CLUAP1: variants seen among roughly 807,000 people sequenced by gnomAD.
The protein encoded by CLUAP1 is intraflagellar transport 38.
Under a neutral mutation model 55.0 loss-of-function variants are expected in CLUAP1, and 50 were observed. The ratio of observed to expected loss-of-function variants is 0.91; its 90% CI spans 0.72 to 1.15. The LOEUF (loss-of-function observed/expected upper bound fraction) is 1.15. Among genes scored for constraint, CLUAP1 ranks in the 50% most tolerant of loss-of-function variants. CLUAP1 has a pLI of 0.00. For missense variants in CLUAP1, 530 were observed against 507.6 expected (o/e 1.04, Z -0.42); for synonymous variants, 195 against 175.4 (o/e 1.11, Z -0.88).
At chr16:3,497,151 A>G (rs2037323071), upstream of CLUAP1, among the ~76,000 whole-genome samples, 8 of 151,872 alleles carry the variant, frequency 5.3e-5, 1 homozygote, top group Admixed American at 5.3e-4. Context: ...GATTACAGGC[A>G]TGACCCACCG....
intron 1 of CLUAP1, among the ~76,000 whole-genome samples, chr16:3,502,356 A>G (rs577735150): frequency 1.3e-5 from 2 of 151,612 alleles, no homozygotes; most frequent in East Asian, 3.9e-4. Flanking sequence ...AGGCAGGAGA[A>G]TTGCTTGATT....
At chr16:3,528,050 A>G (rs970170077) in intron 9 of CLUAP1, among the ~76,000 whole-genome samples, 1 of 152,052 alleles carries the variant, frequency 6.6e-6, no homozygotes, top group Non-Finnish European at 1.5e-5. Flanking sequence ...CTTTATTTCT[A>G]CAGTCTCTCA....
intron 9 of CLUAP1, among the ~76,000 whole-genome samples, chr16:3,528,329 CTT>C (rs542168125): frequency 2.0e-3 from 298 of 152,304 alleles, no homozygotes; most frequent in African/African-American, 6.8e-3. Flanking sequence ...CTCTCTCTCT[CTT>C]TCTCTTTCTT....
upstream of CLUAP1, chr16:3,496,522 C>G (rs1164604391): frequency 1.7e-6 from 1 of 574,706 alleles, no homozygotes; most frequent in African/African-American, 1.9e-5. Flanking sequence ...CTGCCCGTGA[C>G]CAGCCGGCCC....
chr16:3,532,026 A>T (rs1022770679), intron 10 of CLUAP1, among the ~76,000 whole-genome samples: 2 of 151,952 alleles, frequency 1.3e-5, no homozygotes, highest in African/African-American at 4.8e-5. Flanking sequence ...TTTAGTAGAG[A>T]CGGGGTTTCA....
chr16:3,520,603 T>G (rs2037815371), intron 7 of CLUAP1, among the ~76,000 whole-genome samples: 1 of 152,162 alleles, frequency 6.6e-6, no homozygotes, highest in African/African-American at 2.4e-5. Context: ...TTTAAGCTTT[T>G]ATAGCTTCTT....
At chr16:3,514,530 C>G (rs2037693502) in intron 5 of CLUAP1, among the ~76,000 whole-genome samples, 2 of 152,222 alleles carry the variant, frequency 1.3e-5, no homozygotes, top group Non-Finnish European at 2.9e-5. Flanking sequence ...AGTTTTGACA[C>G]AGTGCTTCAG....
In CLUAP1 at chr16:3,532,832, C is replaced by T. The variant is rs748918805; in HGVS notation, c.1083C>T (p.Ser361=). Residue 361 remains serine (S), a synonymous_variant, in exon 11 of 12, where the codon TCC becomes TCT. Transcript: ENST00000576634. ...TGGGCACGATGCAAGGTGGAGACTC[C>T]GATGACAATGTAAGTCCCCCGCTCC... The part of the protein sequence containing the change: ...RIVGTMQGGD[S]DDNEDSEESE... 1.9e-5 allele frequency: 30 copies of T among 1,613,996 alleles called. No homozygotes were observed. The highest frequency in any genetic ancestry group is 2.7e-5 in the African/African-American group (2 of 74,914).
Position 3,526,437 on chromosome 16 carries a change from T to TA in CLUAP1, c.882dup (p.Gln295ThrfsTer17). ...GAAGCTAAAAACACTCTCTGCCTGATACAGAACAAGCTCAAGGAGGAAGAG... is the reference window on the plus strand; with the variant it reads ...GAAGCTAAAAACACTCTCTGCCTGATAACAGAACAAGCTCAAGGAGGAAGAG... On this transcript the variant is annotated frameshift_variant, in exon 9 of 12. Transcript: ENST00000576634. LOFTEE classifies it high-confidence loss of function. 3.7e-6 allele frequency: 6 copies of TA among 1,608,230 alleles called. No homozygotes were observed. The highest frequency in any genetic ancestry group is 2.2e-5 in the South Asian group (2 of 89,740).
intron 1 of CLUAP1, among the ~76,000 whole-genome samples, chr16:3,501,671 A>T (rs991526127): frequency 2.0e-5 from 3 of 151,860 alleles, no homozygotes; most frequent in Non-Finnish European, 4.4e-5. Flanking sequence ...AATCCCAGCT[A>T]CTCGGGAGTC....
At chr16:3,532,489 A>C (rs2038144449) in intron 10 of CLUAP1, among the ~76,000 whole-genome samples, 1 of 128,682 alleles carries the variant, frequency 7.8e-6, no homozygotes, top group Non-Finnish European at 1.5e-5. Context: ...ATCTCAGCTC[A>C]CTGCAACCTC....
At chr16:3,504,607 C>T in intron 1 of CLUAP1, 113 bp from the exon 2 acceptor site, 7 of 681,626 alleles carry the variant, frequency 1.0e-5, no homozygotes, top group South Asian at 3.5e-5. Context: ...ACAAATAGTC[C>T]CTAAAGCTGT....
chr16:3,536,123 AG>A lies in CLUAP1; in HGVS notation c.1096del (p.Asp366ThrfsTer75). ...GCATCTGCCATTTTTTTCCTATAGG[AG>A]GACTCGGAGGAGAGTGAAATTGACA... ...TMQGGDSDDNEDSEESEIDME... is the reference protein window; with the variant it reads ...TMQGGDSDDNXDSEESEIDME... On this transcript the variant is annotated frameshift_variant and splice_region_variant, in exon 12 of 12. Transcript: ENST00000576634. LOFTEE classifies it high-confidence loss of function. 1 of 1,613,908 alleles carries A rather than the reference AG, an allele frequency of 6.2e-7. No individual in the cohort carries two copies. The highest frequency in any genetic ancestry group is 1.1e-5 in the South Asian group (1 of 91,038).
At chr16:3,508,868 G>C (rs999841456) in intron 4 of CLUAP1, among the ~76,000 whole-genome samples, 1 of 150,462 alleles carries the variant, frequency 6.6e-6, no homozygotes, top group Non-Finnish European at 1.5e-5. Context: ...GATCAGGAAG[G>C]CCTCATGGAT....
rs1465816671 is a variant in CLUAP1 at position 3,538,009 on chromosome 16, A to G, written c.*1738A>G. 6.6e-6 allele frequency: 1 copy of G among 150,790 alleles called. No individual in the cohort carries two copies. Among genetic ancestry groups the G allele is most frequent in the Non-Finnish European group, 1.5e-5 (1 of 67,848 alleles). 9.3% of individuals were successfully genotyped at this position (150,790 alleles called of 1,614,324 possible). A position where few individuals can be genotyped will look rare whatever the true frequency, so the allele number is the denominator to read the frequency against. On this transcript the variant is annotated 3_prime_UTR_variant, in exon 12 of 12. Transcript: ENST00000576634. ...GTGAGACTCCATCTCAAAAAAAAAA[A>G]AAAAAAAAAAAGCATACAGTAAATA...
intron 4 of CLUAP1, among the ~76,000 whole-genome samples, chr16:3,510,258 T>A (rs894513901): frequency 2.6e-5 from 4 of 151,860 alleles, no homozygotes; most frequent in Non-Finnish European, 5.9e-5. Context: ...CCTCCCAAAG[T>A]GCTAGGATTA....
At chr16:3,505,697 G>A (rs141861166) in intron 2 of CLUAP1, among the ~76,000 whole-genome samples, 31 of 152,290 alleles carry the variant, frequency 2.0e-4, no homozygotes, top group African/African-American at 7.5e-4. Context: ...AGTGACAGGG[G>A]CCTTTTTGCA....
At chr16:3,522,573 T>A (rs1027044631) in intron 7 of CLUAP1, among the ~76,000 whole-genome samples, 5 of 152,100 alleles carry the variant, frequency 3.3e-5, no homozygotes, top group Admixed American at 2.6e-4. Context: ...TCTCAATGTG[T>A]CACCCAGGCT....
chr16:3,530,274 A>G (rs2038088073), intron 9 of CLUAP1, among the ~76,000 whole-genome samples: 1 of 152,110 alleles, frequency 6.6e-6, no homozygotes, highest in African/African-American at 2.4e-5. Flanking sequence ...TCGGAGACAC[A>G]TTGAAATCAT....
Sources: gnomAD v4.1 joint callset for allele counts (sites outside exome capture counted in the v4.1 genomes callset) on GRCh38, gnomAD v4.1.1 for gene constraint, MANE v1.5 for transcripts, NCBI Gene and HGNC (gene_info 2026-07-23, HGNC 2026-07-21) for gene names.